Variants in CDCA5 observed in about 807,000 individuals in gnomAD.
CDCA5 encodes sororin.
In CDCA5, 14 loss-of-function variants were observed where a neutral mutation model predicts 25.7. The observed-to-expected ratio is 0.54, with a 90% confidence interval of 0.36 to 0.85. CDCA5 has a LOEUF of 0.85. CDCA5 is among the 40% of genes least tolerant of loss of function. The pLI, the probability that CDCA5 is intolerant of heterozygous loss-of-function variation, is 0.01. For missense variants in CDCA5, 307 were observed against 324.5 expected, an observed-to-expected ratio of 0.95 and a Z score of 0.41; for synonymous variants, 127 against 128.7, an observed-to-expected ratio of 0.99 and a Z score of 0.09.
chr11:65,082,426 A>G (rs1373838987), intron 4 of CDCA5, among the ~76,000 whole-genome samples: 1 of 145,302 alleles, frequency 6.9e-6, no homozygotes, highest in East Asian at 2.0e-4. Context: ...CTCTGCAAAC[A>G]TGGCTTCTTT....
chr11:65,083,646 G>A lies in CDCA5; in HGVS notation c.124C>T (p.Pro42Ser). 2 of 1,614,218 alleles carry A rather than the reference G, an allele frequency of 1.2e-6. No homozygotes were observed. Among genetic ancestry groups the A allele is most frequent in the Non-Finnish European group, 1.7e-6 (2 of 1,180,034 alleles). Residue 42 changes from proline (P) to serine (S), a missense_variant, in exon 2 of 6, where the codon CCT becomes TCT. Physicochemically the swap from Pro to Ser is moderately conservative, Grantham distance 74. Coordinates refer to ENST00000275517, the MANE Select transcript of CDCA5 (RefSeq NM_080668.4). ...GGGCTCACCTTCGGCCAGATTTCAG[G>A]GAGGATGCTCGGGAGTTCAGAGCCT... ...KSGSELPSIL[P>S]EIWPKTPSAA...
chr11:65,064,686 G>C (rs567412911), downstream of CDCA5, among the ~76,000 whole-genome samples: 1 of 152,160 alleles, frequency 6.6e-6, no homozygotes. Context: ...TACAGCCATC[G>C]GGTGAGGAGG....
rs1447380355 is a variant in CDCA5 at position 65,079,598 on chromosome 11, A to T, written c.433T>A (p.Ser145Thr). The T allele has an allele frequency of 6.2e-7, 1 of 1,612,924 alleles. No individual in the cohort carries two copies. The highest frequency in any genetic ancestry group is 2.2e-5 in the East Asian group (1 of 44,854). The change falls in exon 5 of 6, where the codon TCC becomes ACC. Residue 145 changes from serine (S) to threonine (T), a missense_variant. Transcript: ENST00000275517. ...CCCAGGGTCTCCAGCCGGCTGTAGG[A>T]ACGCCTGACTTTCTTAGACATTTCC... ...DLEMSKKVRR[S>T]YSRLETLGSA...
At chr11:65,063,663 G>A (rs970505529), downstream of CDCA5, among the ~76,000 whole-genome samples, 22 of 152,324 alleles carry the variant, frequency 1.4e-4, no homozygotes, top group East Asian at 4.2e-3. Context: ...ATCCCATTCT[G>A]CCCCTCACTA....
At chr11:65,066,379 G>A (rs1228081787) in exon 7 of CDCA5, 1 of 1,194,090 alleles carries the variant, frequency 8.4e-7, no homozygotes. Flanking sequence ...CCGACCTCTG[G>A]CCTGGGGCCT....
chr11:65,062,247 G>A (rs1403536377), downstream of CDCA5, among the ~76,000 whole-genome samples: 2 of 152,108 alleles, frequency 1.3e-5, no homozygotes, highest in Non-Finnish European at 2.9e-5. Flanking sequence ...TGGCCTCTCT[G>A]ATTGTATTCT....
chr11:65,075,209 C>CA (rs770969793), downstream of CDCA5, among the ~76,000 whole-genome samples: 2 of 151,882 alleles, frequency 1.3e-5, no homozygotes, highest in Non-Finnish European at 2.9e-5. Flanking sequence ...CCAGCTTGGC[C>CA]AACATAACGA....
intron 2 of CDCA5, among the ~76,000 whole-genome samples, chr11:65,068,306 G>A (rs903809490): frequency 3.3e-5 from 5 of 152,064 alleles, no homozygotes; most frequent in African/African-American, 9.7e-5. Context: ...GCCCTCCAGC[G>A]CTGAACTCCC....
At chr11:65,083,038 G>A (rs1947605476) in intron 4 of CDCA5, among the ~76,000 whole-genome samples, 1 of 152,092 alleles carries the variant, frequency 6.6e-6, no homozygotes, top group Non-Finnish European at 1.5e-5. Context: ...CTGTAAAAAT[G>A]TCATACACAT....
In CDCA5 at chr11:65,077,973, G is replaced by A. The variant is rs1947479724; in HGVS notation, c.*1134C>T. ...GGGCAGCCTTCAAATCCACACTATT[G>A]AATCCACACGATGGAAAGAAGAGAA... On this transcript the variant is annotated 3_prime_UTR_variant, in exon 6 of 6. Coordinates refer to ENST00000275517, the MANE Select transcript of CDCA5 (RefSeq NM_080668.4). 2 of 985,296 alleles carry A rather than the reference G, an allele frequency of 2.0e-6. No individual in the cohort carries two copies. Among genetic ancestry groups the A allele is most frequent in the East Asian group, 2.3e-4 (2 of 8,822 alleles). The allele number at this position is 985,296 out of a possible 1,614,324, so 61.0% of individuals were successfully genotyped here.
At position 65,078,024 on chromosome 11, in the gene CDCA5, T is replaced by C. The variant is rs962772996; in HGVS notation, c.*1083A>G. 6.1e-6 allele frequency: 6 copies of C among 984,398 alleles called. No individual in the cohort carries two copies. Among genetic ancestry groups the C allele is most frequent in the Non-Finnish European group, 7.2e-6 (6 of 829,128 alleles). 61.0% of individuals were successfully genotyped at this position (984,398 alleles called of 1,614,324 possible). A position where few individuals can be genotyped will look rare whatever the true frequency, so the allele number is the denominator to read the frequency against. On this transcript the variant is annotated 3_prime_UTR_variant, in exon 6 of 6. Coordinates refer to ENST00000275517, the MANE Select transcript of CDCA5 (RefSeq NM_080668.4). ...AGATGGGGAAATTCTCCAGAGATCA[T>C]GAGATGCATCCAGGCAGTGTTCTCA...
In CDCA5 at chr11:65,078,392, G is replaced by A. The variant is rs745836892; in HGVS notation, c.*715C>T. 18 of 984,812 alleles carry A rather than the reference G, an allele frequency of 1.8e-5. No homozygotes were observed. The highest frequency in any genetic ancestry group is 6.2e-5 in the Admixed American group (1 of 16,256). The allele number at this position is 984,812 out of a possible 1,614,324, so 61.0% of individuals were successfully genotyped here. A position where few individuals can be genotyped will look rare whatever the true frequency, so the allele number is the denominator to read the frequency against. On this transcript the variant is annotated 3_prime_UTR_variant, in exon 6 of 6. Coordinates refer to ENST00000275517, the MANE Select transcript of CDCA5 (RefSeq NM_080668.4). ...GCACCCTTTGCTCCAAGCAGCCAGC[G>A]CCCTATCAACCTGGCATTTACCAAA...
At chr11:65,082,463 T>C (rs1206227175) in intron 4 of CDCA5, among the ~76,000 whole-genome samples, 5 of 147,428 alleles carry the variant, frequency 3.4e-5, no homozygotes, top group Non-Finnish European at 6.0e-5. Context: ...ACTTGTCTTT[T>C]TTTTTTTTTT....
downstream of CDCA5, among the ~76,000 whole-genome samples, chr11:65,063,847 C>A (rs892078522): frequency 2.6e-5 from 4 of 152,234 alleles, no homozygotes; most frequent in African/African-American, 9.6e-5. Context: ...GCCCACGCAG[C>A]TTTGCTGTGG....
chr11:65,066,908 C>T (rs1394176502), intron 4 of CDCA5: 1 of 1,287,436 alleles, frequency 7.8e-7, no homozygotes, highest in Non-Finnish European at 1.0e-6. Flanking sequence ...CCCCTCCCAC[C>T]TCAGCCAGGC....
At chr11:65,061,157 G>A in the CDCA5 span, among the ~76,000 whole-genome samples, 1 of 152,206 alleles carries the variant, frequency 6.6e-6, no homozygotes, top group Non-Finnish European at 1.5e-5. Context: ...TGCCTGCAGA[G>A]TCACGTGGCC....
intron 5 of CDCA5, chr11:65,066,788 A>C: frequency 3.1e-6 from 4 of 1,289,236 alleles, no homozygotes; most frequent in Non-Finnish European, 4.0e-6. Flanking sequence ...AGACAAAGAA[A>C]TGGGGTCCTG....
At chr11:65,067,766 G>A (rs764669906) in intron 3 of CDCA5, 4 of 1,282,448 alleles carry the variant, frequency 3.1e-6, no homozygotes, top group Non-Finnish European at 3.1e-6. Flanking sequence ...GGAGCAAGTG[G>A]GTAGTGAAGG....
downstream of CDCA5, among the ~76,000 whole-genome samples, chr11:65,065,877 C>T (rs1947228549): frequency 6.6e-6 from 1 of 151,924 alleles, no homozygotes; most frequent in African/African-American, 2.4e-5. Flanking sequence ...CTCTCTCTGC[C>T]CCCCAACCCC....
Sources: gnomAD v4.1 joint callset for allele counts (sites outside exome capture counted in the v4.1 genomes callset) on GRCh38, gnomAD v4.1.1 for gene constraint, MANE v1.5 for transcripts, NCBI Gene and HGNC (gene_info 2026-07-23, HGNC 2026-07-21) for gene names.